CNOT1: variants seen among roughly 807,000 people sequenced by gnomAD.
CNOT1 encodes the protein CCR4-NOT transcription complex subunit 1.
CNOT1 carries 15 observed loss-of-function variants against 273.8 expected under a neutral mutation model. The ratio of observed to expected loss-of-function variants is 0.05; its 90% confidence interval spans 0.04 to 0.08. The LOEUF is 0.08. Among genes scored for constraint, CNOT1 ranks in the 10% least tolerant of loss-of-function variants. The pLI is 1.00. For missense variants in CNOT1, 1,644 were observed against 2,912.2 expected, an observed-to-expected ratio of 0.56 and a Z score of 10.02; for synonymous variants, 1,022 against 1,005.5, an observed-to-expected ratio of 1.02 and a Z score of -0.31.
intron 1 of CNOT1, among the ~76,000 whole-genome samples, chr16:58,622,518 C>T (rs154434): frequency 0.75 from 114,391 of 151,996 alleles, 43,462 homozygotes; most frequent in Middle Eastern, 0.86. Flanking sequence ...AGGGAACAAA[C>T]GTTTAATTAT....
chr16:58,625,554 C>T (rs962317037), intron 1 of CNOT1, among the ~76,000 whole-genome samples: 7 of 151,126 alleles, frequency 4.6e-5, no homozygotes, highest in South Asian at 2.1e-4. Context: ...CATGATGGCG[C>T]GCACCTGTAA....
intron 1 of CNOT1, among the ~76,000 whole-genome samples, chr16:58,609,947 C>T (rs979983965): frequency 2.6e-5 from 4 of 151,978 alleles, no homozygotes; most frequent in African/African-American, 7.2e-5. Context: ...GCATTCCTAT[C>T]AACTCAAACA....
chr16:58,556,116 T>A (rs562328262), intron 19 of CNOT1, among the ~76,000 whole-genome samples: 1 of 152,356 alleles, frequency 6.6e-6, no homozygotes, highest in South Asian at 2.1e-4. Flanking sequence ...TAATTCTACA[T>A]TAGTATTATC....
At chr16:58,562,790 T>C (rs1302999737) in intron 16 of CNOT1, among the ~76,000 whole-genome samples, 1 of 152,044 alleles carries the variant, frequency 6.6e-6, no homozygotes, top group East Asian at 1.9e-4. Flanking sequence ...GCCACTGCAC[T>C]CCAGCCTGGG....
At chr16:58,625,640 T>C (rs1174944867) in intron 1 of CNOT1, among the ~76,000 whole-genome samples, 2 of 151,166 alleles carry the variant, frequency 1.3e-5, no homozygotes, top group Non-Finnish European at 2.9e-5. Flanking sequence ...GCCAAGATCA[T>C]ACCACTGCAC....
At chr16:58,553,270 C>G (rs1179634202) in intron 22 of CNOT1, among the ~76,000 whole-genome samples, 1 of 151,364 alleles carries the variant, frequency 6.6e-6, no homozygotes, top group East Asian at 1.9e-4. Context: ...TCATCTCCCC[C>G]TCCCAAAAAA....
intron 4 of CNOT1, 39 bp from the exon 5 acceptor site, chr16:58,587,452 C>G: frequency 6.2e-7 from 1 of 1,609,246 alleles, no homozygotes; most frequent in South Asian, 1.1e-5. Context: ...TAAGAACTTA[C>G]TTTTTCAAGA....
intron 7 of CNOT1, 47 bp downstream of exon 7, chr16:58,586,498 G>A (rs1438377021): frequency 6.4e-7 from 1 of 1,565,048 alleles, no homozygotes; most frequent in African/African-American, 1.4e-5. Flanking sequence ...ATGTGTCTGT[G>A]GTCATCCAAG....
At chr16:58,549,575 T>C in intron 25 of CNOT1, 144 bp downstream of exon 25, 2 of 1,330,224 alleles carry the variant, frequency 1.5e-6, no homozygotes, top group Non-Finnish European at 2.0e-6. Context: ...TTTAGTTCCA[T>C]ATAAGAAACA....
rs764650214 is a variant in CNOT1, at chr16:58,525,354, G to C, written c.6609C>G (p.Ser2203=). The C allele has an allele frequency of 6.2e-7, 1 of 1,612,944 alleles. No individual in the cohort carries two copies. The highest frequency in any genetic ancestry group is 8.5e-7 in the Non-Finnish European group (1 of 1,179,904). Residue 2203 remains serine, a synonymous_variant, in exon 46 of 49, where the codon TCC becomes TCG. Coordinates refer to ENST00000317147, the MANE Select transcript of CNOT1 (RefSeq NM_016284.5). ...GGTTGTAGCGATTCCCAGGTTCATT[G>C]GATACCTTAAAATGAGCAAAACAGA... ...LSDLRSNLQV[S]NEPGNRYNLQ...
Position 58,558,665 on chromosome 16 carries a change from G to C in CNOT1, c.2140C>G (p.Leu714Val), listed in dbSNP as rs754024051. ...ATACTAAGAGATGTCATTCCAGCAAGAGGGTCAATCTAAAGAAAAACATTA... is the reference window on the plus strand; with the variant it reads ...ATACTAAGAGATGTCATTCCAGCAACAGGGTCAATCTAAAGAAAAACATTA... ...DAISPVQIDPLAGMTSLSIGG... is the reference protein window; with the variant it reads ...DAISPVQIDPVAGMTSLSIGG... The change falls in exon 18 of 49, where the codon CTT (leucine) becomes GTT (valine). Residue 714 changes from leucine to valine, a missense_variant. Leu to Val is a conservative substitution (Grantham distance 32). Around this residue, in one of 13 missense-constraint regions of CNOT1, gnomAD observed 706 missense variants for 1,021.2 expected, o/e 0.69. Coordinates refer to ENST00000317147, the MANE Select transcript of CNOT1 (RefSeq NM_016284.5). 6.2e-7 allele frequency: 1 copy of C among 1,613,842 alleles called. No individual in the cohort carries two copies. Among genetic ancestry groups the C allele is most frequent in the East Asian group, 2.2e-5 (1 of 44,846 alleles).
intron 44 of CNOT1, 42 bp from the exon 45 acceptor site, chr16:58,526,180 T>C (rs2039574075): frequency 1.2e-6 from 2 of 1,609,312 alleles, no homozygotes; most frequent in Non-Finnish European, 1.7e-6. Context: ...AGAATCATTT[T>C]TATTAGTAAA....
At chr16:58,544,401 G>A (rs2040191523) in intron 30 of CNOT1, among the ~76,000 whole-genome samples, 1 of 151,674 alleles carries the variant, frequency 6.6e-6, no homozygotes, top group Non-Finnish European at 1.5e-5. Context: ...TATTGCAGGT[G>A]TAAATTATGC....
Position 58,558,917 on chromosome 16 carries a change from T to C in CNOT1, c.2131-243A>G, listed in dbSNP as rs79297046. ...CAAAGTACAGGTTGAGTATCCCTTA[T>C]TGAAAATACTTGGAACCAGAAAAGT... On this transcript the variant is annotated intron_variant, in intron 17 of 48. Transcript: ENST00000317147. 4.1e-3 allele frequency among the ~76,000 whole-genome samples: 619 copies of C among 152,330 alleles called. 7 individuals carry two copies. Among genetic ancestry groups the C allele is most frequent in the East Asian group, 0.012 (64 of 5,184 alleles).
intron 16 of CNOT1, among the ~76,000 whole-genome samples, chr16:58,569,622 C>T (rs2041194251): frequency 7.0e-6 from 1 of 142,494 alleles, no homozygotes; most frequent in Non-Finnish European, 1.5e-5. Context: ...TTTCACTAAC[C>T]ACATGTCCCA....
chr16:58,532,160 G>C, intron 41 of CNOT1, 72 bp downstream of exon 41: 1 of 1,606,038 alleles, frequency 6.2e-7, no homozygotes, highest in South Asian at 1.1e-5. Flanking sequence ...AAATGCTCAA[G>C]AGTTCTACTC....
At chr16:58,574,366 T>C (rs746689217) in intron 16 of CNOT1, among the ~76,000 whole-genome samples, 1 of 151,222 alleles carries the variant, frequency 6.6e-6, no homozygotes, top group Non-Finnish European at 1.5e-5. Context: ...TCTCAACAAA[T>C]GCTGCTGGAA....
chr16:58,557,199 T>A (rs2040660707), intron 18 of CNOT1, among the ~76,000 whole-genome samples: 2 of 152,358 alleles, frequency 1.3e-5, no homozygotes, highest in Middle Eastern at 3.4e-3. Context: ...AATCCCCAAA[T>A]TTCTTTAGCA....
At chr16:58,591,713 C>G (rs2042061319) in intron 2 of CNOT1, among the ~76,000 whole-genome samples, 1 of 151,534 alleles carries the variant, frequency 6.6e-6, no homozygotes, top group African/African-American at 2.4e-5. Flanking sequence ...AAGATCATAC[C>G]ATTGCACTCC....
Sources: allele counts gnomAD v4.1 joint callset (sites outside exome capture counted in the v4.1 genomes callset), GRCh38; gene constraint gnomAD v4.1.1; regional missense constraint gnomAD v4.1.1; transcripts MANE v1.5; gene names NCBI Gene and HGNC (gene_info 2026-07-23, HGNC 2026-07-21).